TMEM272: variants seen among roughly 807,000 people sequenced by gnomAD.
TMEM272 encodes transmembrane protein 272.
Under a neutral mutation model 3.7 loss-of-function variants are expected in TMEM272, and 8 were observed. The ratio of observed to expected loss-of-function variants is 2.17; its 90% CI spans 1.27 to 3.91. TMEM272 has a LOEUF of 3.91. TMEM272 is among the 30% of genes most tolerant of loss of function. TMEM272 has a pLI of 0.00. For missense variants in TMEM272, 166 were observed against 91.5 expected, an observed-to-expected ratio of 1.81 and a Z score of -3.32; for synonymous variants, 63 against 39.8, an observed-to-expected ratio of 1.58 and a Z score of -2.20.
chr13:51,896,663 C>T, the TMEM272 span, among the ~76,000 whole-genome samples: 1 of 152,136 alleles, frequency 6.6e-6, no homozygotes, highest in Non-Finnish European at 1.5e-5. Flanking sequence ...CATGAGGCAC[C>T]CCTGCAGCGG....
chr13:51,918,488 A>C, the TMEM272 span, among the ~76,000 whole-genome samples: 2 of 152,278 alleles, frequency 1.3e-5, no homozygotes, highest in African/African-American at 4.8e-5. Context: ...TAGAAGAAGC[A>C]AAAATGATAT....
Position 51,816,609 on chromosome 13 carries a change from T to G in TMEM272, c.*142A>C, listed in dbSNP as rs1020305866. The G allele has an allele frequency of 1.7e-6, 1 of 585,120 alleles. No homozygotes were observed. The highest frequency in any genetic ancestry group is 1.9e-5 in the African/African-American group (1 of 53,680). The allele number at this position is 585,120 out of a possible 1,614,324, so 36.2% of individuals were successfully genotyped here. A position where few individuals can be genotyped will look rare whatever the true frequency, so the allele number is the denominator to read the frequency against. ...CAGTGCCTTTGGGTGGCTTTTTAAATGCCTTCAGGGAAGGTTTTATTACCT... is the reference window on the plus strand; with the variant it reads ...CAGTGCCTTTGGGTGGCTTTTTAAAGGCCTTCAGGGAAGGTTTTATTACCT... On this transcript the variant is annotated 3_prime_UTR_variant, in exon 5 of 5. Transcript: ENST00000629372.
chr13:51,824,419 C>T (rs143232130), intron 3 of TMEM272, among the ~76,000 whole-genome samples: 11 of 152,306 alleles, frequency 7.2e-5, no homozygotes, highest in East Asian at 3.9e-4. Flanking sequence ...TACAATTCAT[C>T]GGCATAATTA....
At chr13:51,826,092 T>C (rs1292803589) in intron 3 of TMEM272, among the ~76,000 whole-genome samples, 1 of 150,804 alleles carries the variant, frequency 6.6e-6, no homozygotes, top group East Asian at 1.9e-4. Flanking sequence ...GATTATGAGG[T>C]TGTTTAATAT....
intron 1 of TMEM272, among the ~76,000 whole-genome samples, chr13:51,839,273 C>CA (rs1956241443): frequency 6.6e-6 from 1 of 152,088 alleles, no homozygotes; most frequent in South Asian, 2.1e-4. Context: ...TTTAAATCCA[C>CA]AAAAAAACTC....
the TMEM272 span, among the ~76,000 whole-genome samples, chr13:51,878,283 A>G: frequency 6.6e-6 from 1 of 152,286 alleles, no homozygotes; most frequent in South Asian, 2.1e-4. Context: ...ACAAAAAATT[A>G]GCCAGGCGTC....
chr13:51,848,189 C>T (rs1456814745), upstream of TMEM272, among the ~76,000 whole-genome samples: 2 of 152,182 alleles, frequency 1.3e-5, no homozygotes, highest in African/African-American at 2.4e-5. Context: ...ACAGTGGAAG[C>T]AGTTGCTAAC....
chr13:51,880,627 T>C, the TMEM272 span, among the ~76,000 whole-genome samples: 1 of 130,614 alleles, frequency 7.7e-6, no homozygotes, highest in African/African-American at 2.8e-5. Flanking sequence ...AATAAAAAAA[T>C]TGACAAAATA....
chr13:51,910,255 C>T, the TMEM272 span: 1 of 1,400,086 alleles, frequency 7.1e-7, no homozygotes, highest in Non-Finnish European at 1.0e-6. Flanking sequence ...CTTTGTGCTT[C>T]TGTTGCCTCC....
At chr13:51,823,613 G>GT (rs1195131597) in intron 3 of TMEM272, among the ~76,000 whole-genome samples, 1 of 152,248 alleles carries the variant, frequency 6.6e-6, no homozygotes, top group African/African-American at 2.4e-5. Context: ...ATTTGTGGCT[G>GT]TAGCACAGTT....
chr13:51,849,100 A>C (rs1319276770), upstream of TMEM272, among the ~76,000 whole-genome samples: 1 of 152,088 alleles, frequency 6.6e-6, no homozygotes, highest in Non-Finnish European at 1.5e-5. Context: ...CAGCATTTTA[A>C]TTTTCCTGAG....
rs1956030490 is a variant in TMEM272 at position 51,816,707 on chromosome 13, A to G, written c.*44T>C. ...TGTGTGTCTGTGTGCACGCGCGTGC[A>G]TGCACACGCATATGCATACATGGTA... On this transcript the variant is annotated 3_prime_UTR_variant, in exon 5 of 5. Transcript: ENST00000629372. 1 of 662,312 alleles carries G rather than the reference A, an allele frequency of 1.5e-6. No homozygotes were observed. The highest frequency in any genetic ancestry group is 2.8e-6 in the Non-Finnish European group (1 of 361,626). 41.0% of individuals were successfully genotyped at this position (662,312 alleles called of 1,614,324 possible). A position where few individuals can be genotyped will look rare whatever the true frequency, so the allele number is the denominator to read the frequency against.
the TMEM272 span, among the ~76,000 whole-genome samples, chr13:51,926,670 C>A: frequency 1.3e-5 from 2 of 149,724 alleles, no homozygotes; most frequent in Non-Finnish European, 3.0e-5. Context: ...TGTGCATGTG[C>A]GCGCACGCAC....
chr13:51,821,043 G>A (rs557285556), intron 4 of TMEM272, among the ~76,000 whole-genome samples: 22 of 152,278 alleles, frequency 1.4e-4, no homozygotes, highest in African/African-American at 4.3e-4. Context: ...TTTTCAAGAC[G>A]TTCCTTTGAT....
At chr13:51,905,016 G>A in the TMEM272 span, among the ~76,000 whole-genome samples, 5 of 152,184 alleles carry the variant, frequency 3.3e-5, no homozygotes, top group Non-Finnish European at 7.3e-5. Context: ...ACCACTTGAC[G>A]CCAGTAGCAC....
At chr13:51,874,779 C>T in the TMEM272 span, among the ~76,000 whole-genome samples, 3 of 152,166 alleles carry the variant, frequency 2.0e-5, no homozygotes, top group African/African-American at 7.2e-5. Flanking sequence ...ATTTTTATGC[C>T]CACTGCGAAC....
chr13:51,910,225 T>G, the TMEM272 span: 1 of 1,278,876 alleles, frequency 7.8e-7, no homozygotes. Flanking sequence ...CTGTTCAGCT[T>G]TTCACAGTTT....
chr13:51,841,308 G>C (rs951440119), intron 1 of TMEM272, among the ~76,000 whole-genome samples: 16 of 152,224 alleles, frequency 1.1e-4, no homozygotes, highest in African/African-American at 3.9e-4. Flanking sequence ...AGAAGGGATA[G>C]AACAGAGGGA....
At chr13:51,887,629 G>T in the TMEM272 span, among the ~76,000 whole-genome samples, 1 of 152,180 alleles carries the variant, frequency 6.6e-6, no homozygotes, top group South Asian at 2.1e-4. Context: ...ATCCAGTAAT[G>T]CATATCCTTA....
Sources: allele counts gnomAD v4.1 joint callset (sites outside exome capture counted in the v4.1 genomes callset), GRCh38; gene constraint gnomAD v4.1.1; transcripts MANE v1.5; gene names NCBI Gene and HGNC (gene_info 2026-07-23, HGNC 2026-07-21).